The following TRAPPC9 variants were observed in gnomAD, a reference collection of about 807,000 sequenced individuals.
TRAPPC9 encodes trafficking protein particle complex subunit 9.
Under a neutral mutation model 124.0 loss-of-function variants are expected in TRAPPC9, and 83 were observed. The ratio of observed to expected loss-of-function variants is 0.67; its 90% CI spans 0.56 to 0.80. TRAPPC9 has a LOEUF of 0.80. Ranked by LOEUF, TRAPPC9 falls within the 30% of genes least tolerant of loss-of-function variation. The pLI is 0.00. For synonymous variants in TRAPPC9, 638 were observed against 617.5 expected (o/e 1.03, Z -0.49); for missense variants, 1,302 against 1,508.3 (o/e 0.86, Z 2.27).
intron 17 of TRAPPC9, among the ~76,000 whole-genome samples, chr8:140,193,423 G>T (rs2062543229): frequency 6.6e-6 from 1 of 152,096 alleles, no homozygotes; most frequent in Admixed American, 6.6e-5. Flanking sequence ...GCATTGCAAA[G>T]CCTAGCTTCT....
At chr8:140,285,982 T>C (rs1003599437) in intron 13 of TRAPPC9, among the ~76,000 whole-genome samples, 59 of 152,096 alleles carry the variant, frequency 3.9e-4, no homozygotes, top group African/African-American at 1.2e-4. Flanking sequence ...GGCTCCACAA[T>C]AGGCACGGAG....
intron 17 of TRAPPC9, among the ~76,000 whole-genome samples, chr8:140,137,641 A>T (rs1366668833): frequency 6.6e-6 from 1 of 152,178 alleles, no homozygotes; most frequent in Non-Finnish European, 1.5e-5. Flanking sequence ...TTACATTTTA[A>T]CTAGACGTTC....
At chr8:140,408,499 C>G (rs1304584511) in intron 5 of TRAPPC9, among the ~76,000 whole-genome samples, 1 of 152,196 alleles carries the variant, frequency 6.6e-6, no homozygotes, top group African/African-American at 2.4e-5. Context: ...GTTTGCCTTT[C>G]TCTCCTAGAG....
chr8:139,869,341 G>A (rs567645998), intron 21 of TRAPPC9, among the ~76,000 whole-genome samples: 2 of 152,328 alleles, frequency 1.3e-5, no homozygotes, highest in Admixed American at 6.5e-5. Context: ...AAAGGAGACA[G>A]AGAAGGGCAT....
intron 16 of TRAPPC9, among the ~76,000 whole-genome samples, chr8:140,250,761 C>G (rs1212692969): frequency 6.6e-6 from 1 of 152,130 alleles, no homozygotes; most frequent in Non-Finnish European, 1.5e-5. Flanking sequence ...GCCAGAGCTT[C>G]TATTAACTGT....
intron 21 of TRAPPC9, among the ~76,000 whole-genome samples, chr8:139,813,838 G>A (rs188171480): frequency 4.1e-4 from 62 of 152,304 alleles, no homozygotes; most frequent in African/African-American, 1.4e-3. Flanking sequence ...TGGTGACAGC[G>A]CCAGGGCAGA....
intron 21 of TRAPPC9, among the ~76,000 whole-genome samples, chr8:139,733,620 T>G (rs966480622): frequency 1.3e-5 from 2 of 152,190 alleles, no homozygotes; most frequent in Non-Finnish European, 2.9e-5. Flanking sequence ...GATCCTGTGC[T>G]GTGGGCTATC....
intron 21 of TRAPPC9, among the ~76,000 whole-genome samples, chr8:139,863,851 GGGCAAGGAGCA>G (rs1026006632): frequency 6.6e-5 from 10 of 152,198 alleles, no homozygotes; most frequent in African/African-American, 2.4e-4. Flanking sequence ...GATATGGAGC[GGGCAAGGAGCA>G]GCATTCACAC....
At position 140,024,817 on chromosome 8, in the gene TRAPPC9, A is replaced by G. The variant is rs1386231072; in HGVS notation, c.2557-738T>C. ...TCTATGAGCATCATTTCAACATCAG[A>G]TGAGGTGACAGGCGGGGGCGGGGGT... is the stretch of plus-strand genomic sequence containing the variant. On this transcript the variant is annotated intron_variant, in intron 17 of 22. Coordinates refer to ENST00000438773, the MANE Select transcript of TRAPPC9 (RefSeq NM_001160372.4). Among the ~76,000 whole-genome samples the G allele has an allele frequency of 2.0e-5, 3 of 149,776 alleles. No individual in the cohort carries two copies. In the East Asian group the frequency reaches 5.9e-4, roughly 30 times the overall value.
chr8:140,000,510 T>C (rs1374446328), intron 18 of TRAPPC9, among the ~76,000 whole-genome samples: 1 of 152,144 alleles, frequency 6.6e-6, no homozygotes, highest in Non-Finnish European at 1.5e-5. Context: ...ATCCAGAATC[T>C]ACAAAGAACT....
intron 9 of TRAPPC9, among the ~76,000 whole-genome samples, chr8:140,327,553 T>G (rs2066771776): frequency 6.6e-6 from 1 of 152,182 alleles, no homozygotes; most frequent in African/African-American, 2.4e-5. Flanking sequence ...ATGTAGTCTA[T>G]CCCTACAATG....
At chr8:139,969,952 G>T (rs1401105304) in intron 19 of TRAPPC9, among the ~76,000 whole-genome samples, 1 of 152,212 alleles carries the variant, frequency 6.6e-6, no homozygotes, top group East Asian at 1.9e-4. Context: ...ACACTGTCTT[G>T]TTATCCAAGT....
rs2063847985 is a variant in TRAPPC9 at position 140,241,172 on chromosome 8, G to C, written c.2431+11605C>G. Among the ~76,000 whole-genome samples, 1 of 152,176 alleles carries C rather than the reference G, an allele frequency of 6.6e-6. No homozygotes were observed. The highest frequency in any genetic ancestry group is 6.5e-5 in the Admixed American group (1 of 15,278). ...CCAGCACTTTAGGAGGCCGAGGCAG[G>C]CAGATCACCTGAGGTCAGGAGTTTG... On this transcript the variant is annotated intron_variant, in intron 16 of 22. Transcript: ENST00000438773. This position sits in a 1 kb window ranked among gnomAD's most constrained non-coding sequence, Gnocchi z 5.0.
In TRAPPC9 at chr8:139,961,358, G is replaced by A. The variant is rs955149183; in HGVS notation, c.2810+27368C>T. 9.7e-5 allele frequency among the ~76,000 whole-genome samples: 12 copies of A among 124,126 alleles called. 2 individuals carry two copies. In the South Asian group the frequency reaches 3.2e-3, roughly 33 times the overall value. 81.4% of individuals were successfully genotyped at this position (124,126 alleles called of 152,430 possible). ...TGTATACTCCATGGAGCCAGTGAGAGCCCCACCCCTTCTGAATTGGAGTGG... is the reference window on the plus strand; with the variant it reads ...TGTATACTCCATGGAGCCAGTGAGAACCCCACCCCTTCTGAATTGGAGTGG... On this transcript the variant is annotated intron_variant, in intron 19 of 22. Coordinates refer to ENST00000438773, the MANE Select transcript of TRAPPC9 (RefSeq NM_001160372.4).
At chr8:140,255,448 AC>A (rs1469969652) in intron 15 of TRAPPC9, among the ~76,000 whole-genome samples, 1 of 152,222 alleles carries the variant, frequency 6.6e-6, no homozygotes, top group Non-Finnish European at 1.5e-5. Context: ...TGCTTTGCAA[AC>A]TGATACTATC....
intron 5 of TRAPPC9, among the ~76,000 whole-genome samples, chr8:140,425,932 A>G (rs1204823837): frequency 6.6e-6 from 1 of 152,176 alleles, no homozygotes; most frequent in Non-Finnish European, 1.5e-5. Context: ...ACGCCTGCAA[A>G]CCTGGGGCAA....
chr8:139,982,198 G>A (rs1337900501), intron 19 of TRAPPC9, among the ~76,000 whole-genome samples: 1 of 152,152 alleles, frequency 6.6e-6, no homozygotes, highest in Non-Finnish European at 1.5e-5. Context: ...TTTCACTAAG[G>A]AGAGACATCC....
chr8:140,357,127 C>T (rs1013011599), intron 9 of TRAPPC9, among the ~76,000 whole-genome samples: 4 of 152,146 alleles, frequency 2.6e-5, no homozygotes, highest in African/African-American at 7.2e-5. Context: ...AAATACGTAA[C>T]TGATGACCGA....
At chr8:139,784,634 TATATATATATAA>T (rs1822088596) in intron 21 of TRAPPC9, among the ~76,000 whole-genome samples, 1 of 140,848 alleles carries the variant, frequency 7.1e-6, no homozygotes, top group Non-Finnish European at 1.6e-5. Context: ...TATATATATA[TATATATATATAA>T]ATCAACTGCA....
Sources: allele counts gnomAD v4.1 joint callset (sites outside exome capture counted in the v4.1 genomes callset), GRCh38; gene constraint gnomAD v4.1.1; non-coding constraint Gnocchi (gnomAD v3.1); transcripts MANE v1.5; gene names NCBI Gene and HGNC (gene_info 2026-07-23, HGNC 2026-07-21).